GRIA3: variants seen among roughly 807,000 people sequenced by gnomAD.
The protein encoded by GRIA3 is glutamate ionotropic receptor AMPA type subunit 3.
GRIA3 carries 3 observed loss-of-function variants against 63.0 expected under a neutral mutation model. The observed-to-expected ratio is 0.05, with a 90% CI of 0.02 to 0.12. The LOEUF is 0.12. Among genes scored for constraint, GRIA3 ranks in the 10% least tolerant of loss-of-function variants. The pLI, the probability that GRIA3 is intolerant of heterozygous loss-of-function variation, is 1.00. For missense variants in GRIA3, 347 were observed against 700.9 expected (o/e 0.50, Z 5.70); for synonymous variants, 274 against 257.9 (o/e 1.06, Z -0.60).
chrX:123,302,272 T>C (rs1374333178), intron 3 of GRIA3, among the ~76,000 whole-genome samples: 1 of 111,996 alleles, frequency 8.9e-6, no homozygotes, highest in Admixed American at 9.5e-5. Flanking sequence ...CTAAGATCTC[T>C]TCTGTATGAC....
intron 12 of GRIA3, among the ~76,000 whole-genome samples, chrX:123,451,240 C>T (rs1470106188): frequency 9.1e-6 from 1 of 110,232 alleles, no homozygotes; most frequent in East Asian, 2.8e-4. Flanking sequence ...GTGGCTTATG[C>T]CAATAATTCC....
chrX:123,418,367 G>C (rs2045547187), intron 11 of GRIA3, among the ~76,000 whole-genome samples: 2 of 110,879 alleles, frequency 1.8e-5, no homozygotes, highest in South Asian at 7.6e-4. Context: ...AGTGCTCTTA[G>C]ATAAGACACA....
intron 10 of GRIA3, among the ~76,000 whole-genome samples, chrX:123,407,093 G>T (rs1603138323): frequency 9.0e-6 from 1 of 111,266 alleles, no homozygotes; most frequent in Admixed American, 9.6e-5. Flanking sequence ...TTCATGGTGG[G>T]ATATAATCTT....
chrX:123,303,594 G>A (rs1217298645), intron 3 of GRIA3, among the ~76,000 whole-genome samples: 3 of 109,951 alleles, frequency 2.7e-5, no homozygotes, highest in East Asian at 5.7e-4. Context: ...TATTTCAGGC[G>A]GGGTCAGTAC....
chrX:123,482,995 C>T lies in GRIA3; in HGVS notation c.2636C>T (p.Thr879Ile). Residue 879 changes from threonine (T) to isoleucine (I), a missense_variant, in exon 15 of 16, where the codon ACA (threonine) becomes ATA (isoleucine). By Grantham distance (89) the Thr-to-Ile change is moderately conservative (BLOSUM62 -1). Around this residue, in one of 8 missense-constraint regions of GRIA3, gnomAD observed 29 missense variants for 46.7 expected, o/e 0.62. Coordinates refer to ENST00000620443, the MANE Select transcript of GRIA3 (RefSeq NM_007325.5). Reference sequence around the variant, plus strand: ...GCCACCAACACTCAGAATTATGCTACATACAGAGAAGGCTACAACGTGTAT... The same window carrying T: ...GCCACCAACACTCAGAATTATGCTATATACAGAGAAGGCTACAACGTGTAT... ...APATNTQNYA[T>I]YREGYNVYGT... 3.3e-6 allele frequency: 4 copies of T among 1,204,762 alleles called. No individual in the cohort carries two copies. The highest frequency in any genetic ancestry group is 4.5e-6 in the Non-Finnish European group (4 of 889,318).
Position 123,345,443 on chromosome X carries a change from C to G in GRIA3, c.697-9467C>G, listed in dbSNP as rs766430301. 5.4e-4 allele frequency among the ~76,000 whole-genome samples: 19 copies of G among 35,322 alleles called. No individual in the cohort carries two copies. The East Asian group carries it at 0.018, about 33-fold the overall frequency. 30.7% of individuals were successfully genotyped at this position (35,322 alleles called of 115,157 possible). On this transcript the variant is annotated intron_variant, in intron 4 of 15. Coordinates refer to ENST00000620443, the MANE Select transcript of GRIA3 (RefSeq NM_007325.5). ...TGAGTGGGAGCCCCCCTTCACAACA[C>G]ACACACACACACACACACACACACA...
chrX:123,202,872 C>T, intron 2 of GRIA3: 1 of 898,264 alleles, frequency 1.1e-6, no homozygotes, highest in Non-Finnish European at 1.5e-6. Flanking sequence ...AAGAAGATCT[C>T]CCCACTCTGG....
chrX:123,451,790 G>A (rs939812301), intron 12 of GRIA3, among the ~76,000 whole-genome samples: 3 of 109,700 alleles, frequency 2.7e-5, no homozygotes, highest in African/African-American at 9.9e-5. Flanking sequence ...AGGGGTGGGG[G>A]AGAATCAAGA....
chrX:123,239,679 CTA>C (rs964212180), intron 2 of GRIA3, among the ~76,000 whole-genome samples: 3 of 112,344 alleles, frequency 2.7e-5, no homozygotes, highest in African/African-American at 9.7e-5. Context: ...GGATTAGAAT[CTA>C]AAACATTTAG....
chrX:123,426,067 G>T (rs1422307018), intron 11 of GRIA3, among the ~76,000 whole-genome samples: 2 of 111,184 alleles, frequency 1.8e-5, no homozygotes, highest in East Asian at 5.7e-4. Context: ...TTCCCACAGA[G>T]CCTGGAGATA....
At chrX:123,280,338 C>CA (rs2044578731) in intron 3 of GRIA3, among the ~76,000 whole-genome samples, 1 of 112,138 alleles carries the variant, frequency 8.9e-6, no homozygotes, top group African/African-American at 3.2e-5. Flanking sequence ...CTAAACTGTA[C>CA]AAAAAAACCA....
chrX:123,275,070 G>A (rs1386046704), intron 3 of GRIA3, among the ~76,000 whole-genome samples: 3 of 110,899 alleles, frequency 2.7e-5, no homozygotes, highest in South Asian at 3.8e-4. Flanking sequence ...CAACAGAAGC[G>A]AAGGAATGCA....
intron 12 of GRIA3, among the ~76,000 whole-genome samples, chrX:123,434,122 C>T (rs1359096142): frequency 1.8e-5 from 2 of 111,498 alleles, no homozygotes; most frequent in East Asian, 2.8e-4. Flanking sequence ...TTTCCACAAG[C>T]GCACCTATGC....
At position 123,361,169 on chromosome X, in the gene GRIA3, C is replaced by T. The variant is rs890423341; in HGVS notation, c.750+6206C>T. The T allele has an allele frequency of 6.3e-5, 7 of 111,575 alleles. No individual in the cohort carries two copies. In the Admixed American group the frequency reaches 6.7e-4, roughly 11 times the overall value. 9.2% of individuals were successfully genotyped at this position (111,575 alleles called of 1,213,427 possible). A position where few individuals can be genotyped will look rare whatever the true frequency, so the allele number is the denominator to read the frequency against. On this transcript the variant is annotated intron_variant, in intron 5 of 15. Coordinates refer to ENST00000620443, the MANE Select transcript of GRIA3 (RefSeq NM_007325.5). ...GGGCCTATTTTGCTTAGAGAGAAAA[C>T]AAGTTTAAATAAGATTTAGTTATGC...
intron 3 of GRIA3, among the ~76,000 whole-genome samples, chrX:123,321,934 T>C (rs1426913702): frequency 9.0e-6 from 1 of 111,298 alleles, no homozygotes; most frequent in Admixed American, 9.6e-5. Context: ...GCCCTTAGAG[T>C]TACCTCGCTG....
intron 12 of GRIA3, among the ~76,000 whole-genome samples, chrX:123,431,751 A>G (rs970138501): frequency 3.6e-5 from 4 of 112,320 alleles, no homozygotes; most frequent in African/African-American, 1.3e-4. Context: ...CTTTAAAAGT[A>G]TTAGAAAATA....
intron 3 of GRIA3, among the ~76,000 whole-genome samples, chrX:123,274,009 G>C (rs772860220): frequency 1.5e-4 from 17 of 112,083 alleles, no homozygotes; most frequent in Non-Finnish European, 2.8e-4. Context: ...AGGCCAGTGA[G>C]AGCAATATCA....
In GRIA3 at chrX:123,253,460, C is replaced by T. The variant is rs1226381543; in HGVS notation, c.426C>T (p.Arg142=). Residue 142 remains arginine, a synonymous_variant, in exon 3 of 16, where the codon CGC becomes CGT. Transcript: ENST00000620443. Reference sequence around the variant, plus strand: ...ATGTGCAGTTTGTCATCCAGATGCGCCCAGCCTTGAAGGGCGCTATTCTGA... The same window carrying T: ...ATGTGCAGTTTGTCATCCAGATGCGTCCAGCCTTGAAGGGCGCTATTCTGA... ...DADVQFVIQM[R]PALKGAILSL... 2.3e-5 allele frequency: 28 copies of T among 1,209,652 alleles called. No individual in the cohort carries two copies. The highest frequency in any genetic ancestry group is 3.0e-5 in the Non-Finnish European group (27 of 893,839).
chrX:123,379,358 T>C lies in GRIA3; in HGVS notation c.751-15610T>C, dbSNP rs1456867865. 5.4e-5 allele frequency among the ~76,000 whole-genome samples: 6 copies of C among 111,580 alleles called. No homozygotes were observed. In the East Asian group the frequency reaches 1.7e-3, roughly 32 times the overall value. On this transcript the variant is annotated intron_variant, in intron 5 of 15. Coordinates refer to ENST00000620443, the MANE Select transcript of GRIA3 (RefSeq NM_007325.5). ...TGTGTCCAATGACTAAAATCTAACA[T>C]GCTATGGAAAAGTATGGTGCCTTAA...
Sources: allele counts gnomAD v4.1 joint callset (sites outside exome capture counted in the v4.1 genomes callset), GRCh38; gene constraint gnomAD v4.1.1; regional missense constraint gnomAD v4.1.1; transcripts MANE v1.5; gene names NCBI Gene and HGNC (gene_info 2026-07-23, HGNC 2026-07-21).